TNIK: variants seen among roughly 807,000 people sequenced by gnomAD.
TNIK encodes TRAF2 and NCK interacting kinase, also known as TRAF2 and NCK-interacting protein kinase.
In TNIK, 49 loss-of-function variants were observed where a neutral mutation model predicts 191.3. The observed-to-expected ratio is 0.26, with a 90% confidence interval of 0.20 to 0.32. TNIK has a LOEUF of 0.32. Among genes scored for constraint, TNIK ranks in the 10% least tolerant of loss-of-function variants. TNIK has a pLI of 1.00. For synonymous variants in TNIK, 594 were observed against 600.9 expected (o/e 0.99, Z 0.17); for missense variants, 1,155 against 1,702.3 (o/e 0.68, Z 5.66).
intron 1 of TNIK, among the ~76,000 whole-genome samples, chr3:171,421,749 T>TTTTTA: frequency 7.1e-6 from 1 of 141,392 alleles, no homozygotes; most frequent in Admixed American, 7.0e-5. Context: ...TTTTTTTTTT[T>TTTTTA]GAGATGAAGT....
At chr3:171,376,311 C>T (rs1299682983) in intron 1 of TNIK, among the ~76,000 whole-genome samples, 1 of 152,198 alleles carries the variant, frequency 6.6e-6, no homozygotes, top group Non-Finnish European at 1.5e-5. Context: ...CACAGCCAGG[C>T]AAGTTCCCTC....
chr3:171,184,792 A>G (rs1458725530), intron 7 of TNIK, among the ~76,000 whole-genome samples: 2 of 152,194 alleles, frequency 1.3e-5, no homozygotes, highest in African/African-American at 4.8e-5. Context: ...AATAATGCCA[A>G]TTATCTGTGA....
chr3:171,226,493 T>G (rs1742983218), intron 3 of TNIK, among the ~76,000 whole-genome samples: 1 of 152,120 alleles, frequency 6.6e-6, no homozygotes, highest in Non-Finnish European at 1.5e-5. Context: ...ACCTTTACAC[T>G]CCTTTAACAT....
chr3:171,393,935 G>A (rs924890442), intron 1 of TNIK, among the ~76,000 whole-genome samples: 2 of 152,114 alleles, frequency 1.3e-5, no homozygotes, highest in African/African-American at 4.8e-5. Flanking sequence ...GACATTTCTG[G>A]AATTGGGATG....
At chr3:171,109,075 T>C (rs1349102212) in intron 19 of TNIK, among the ~76,000 whole-genome samples, 1 of 152,206 alleles carries the variant, frequency 6.6e-6, no homozygotes, top group Admixed American at 6.5e-5. Flanking sequence ...AGAATTAAAA[T>C]GGTATGCGTT....
chr3:171,318,745 A>G (rs1299283790), intron 2 of TNIK, among the ~76,000 whole-genome samples: 4 of 152,206 alleles, frequency 2.6e-5, no homozygotes, highest in Non-Finnish European at 4.4e-5. Flanking sequence ...TAAACTCTCA[A>G]ATTAACACAT....
At chr3:171,185,038 A>G (rs1737182116) in intron 7 of TNIK, among the ~76,000 whole-genome samples, 1 of 152,228 alleles carries the variant, frequency 6.6e-6, no homozygotes, top group Non-Finnish European at 1.5e-5. Context: ...CATTGGCTTC[A>G]TATAAGAGCA....
chr3:171,445,477 T>TA (rs1727385598), intron 1 of TNIK, among the ~76,000 whole-genome samples: 3 of 151,310 alleles, frequency 2.0e-5, no homozygotes, highest in African/African-American at 7.3e-5. Context: ...CTGAAGCTGC[T>TA]GGTCCAAGGA....
At chr3:171,373,418 A>G (rs1189604175) in intron 1 of TNIK, among the ~76,000 whole-genome samples, 1 of 151,956 alleles carries the variant, frequency 6.6e-6, no homozygotes, top group Non-Finnish European at 1.5e-5. Flanking sequence ...CACTCCCCTA[A>G]TTTTGTTCAC....
chr3:171,367,047 A>G (rs1577655278), intron 2 of TNIK, among the ~76,000 whole-genome samples: 1 of 152,210 alleles, frequency 6.6e-6, no homozygotes, highest in Admixed American at 6.5e-5. Context: ...GCCCAGTCTC[A>G]AGTATTTCTT....
intron 2 of TNIK, among the ~76,000 whole-genome samples, chr3:171,303,834 G>C (rs1205714698): frequency 6.6e-6 from 1 of 152,142 alleles, no homozygotes; most frequent in Non-Finnish European, 1.5e-5. Context: ...AAATATCATT[G>C]CTAGCCTATG....
intron 2 of TNIK, among the ~76,000 whole-genome samples, chr3:171,297,668 T>C (rs1186257203): frequency 6.9e-6 from 1 of 145,036 alleles, no homozygotes; most frequent in East Asian, 1.9e-4. Flanking sequence ...TTAAACAATA[T>C]AATTTTATTA....
chr3:171,281,440 A>G (rs933225456), intron 2 of TNIK, among the ~76,000 whole-genome samples: 8 of 152,192 alleles, frequency 5.3e-5, no homozygotes, highest in Non-Finnish European at 8.8e-5. Context: ...GCTATTTATC[A>G]GCTGTGAAAT....
chr3:171,107,302 C>G, intron 20 of TNIK, 96 bp from the exon 21 acceptor site: 2 of 1,131,720 alleles, frequency 1.8e-6, no homozygotes, highest in Non-Finnish European at 1.3e-6. Flanking sequence ...ATTGTTAGTA[C>G]GCAACTGATA....
intron 2 of TNIK, among the ~76,000 whole-genome samples, chr3:171,316,811 C>A (rs1000801426): frequency 6.6e-6 from 1 of 151,568 alleles, no homozygotes; most frequent in African/African-American, 2.4e-5. Context: ...GGAGTATTTG[C>A]GTATTTTATA....
intron 2 of TNIK, among the ~76,000 whole-genome samples, chr3:171,242,519 T>C (rs1253746357): frequency 6.6e-6 from 1 of 152,176 alleles, no homozygotes; most frequent in African/African-American, 2.4e-5. Flanking sequence ...CTGCATTTTT[T>C]TTTTTTTATC....
chr3:171,315,497 G>T (rs572226331), intron 2 of TNIK, among the ~76,000 whole-genome samples: 1 of 152,196 alleles, frequency 6.6e-6, no homozygotes, highest in African/African-American at 2.4e-5. Flanking sequence ...CTCCAGAAGG[G>T]TGTATTAGTT....
At chr3:171,339,058 C>T (rs1317654180) in intron 2 of TNIK, among the ~76,000 whole-genome samples, 5 of 152,186 alleles carry the variant, frequency 3.3e-5, no homozygotes, top group Admixed American at 1.3e-4. Context: ...TTTAACAAAC[C>T]TTTATTAACA....
At chr3:171,277,828 C>T (rs1577330714) in intron 2 of TNIK, among the ~76,000 whole-genome samples, 1 of 152,196 alleles carries the variant, frequency 6.6e-6, no homozygotes, top group Non-Finnish European at 1.5e-5. Context: ...ATTTGAAACA[C>T]TAATTTTCTG....
Sources: allele counts gnomAD v4.1 joint callset (sites outside exome capture counted in the v4.1 genomes callset), GRCh38; gene constraint gnomAD v4.1.1; transcripts MANE v1.5; gene names NCBI Gene and HGNC (gene_info 2026-07-23, HGNC 2026-07-21).